The following PWWP3A variants were observed in gnomAD, a reference collection of about 807,000 sequenced individuals.
PWWP3A encodes PWWP domain-containing DNA repair factor 3A.
A neutral mutation model predicts 79.0 loss-of-function variants in PWWP3A; 53 were observed. The ratio of observed to expected loss-of-function variants is 0.67; its 90% CI spans 0.54 to 0.84. The LOEUF (loss-of-function observed/expected upper bound fraction) is 0.84. Among genes scored for constraint, PWWP3A ranks in the 40% least tolerant of loss-of-function variants. The probability of loss-of-function intolerance (pLI) is 0.00; values close to 1 mark genes in which losing one functional copy is unlikely to be tolerated. For missense variants in PWWP3A, 973 were observed against 948.0 expected, an observed-to-expected ratio of 1.03 and a Z score of -0.35; for synonymous variants, 443 against 394.4, an observed-to-expected ratio of 1.12 and a Z score of -1.46.
chr19:1,362,685 C>T (rs533268326), intron 6 of PWWP3A, among the ~76,000 whole-genome samples: 3 of 152,352 alleles, frequency 2.0e-5, no homozygotes, highest in African/African-American at 7.2e-5. Flanking sequence ...GGGGCTGCGT[C>T]GCCATTGCTC....
chr19:1,369,116 G>T lies in PWWP3A; in HGVS notation c.1423-149G>T. ...GGGTCCCTGTGCGAGGCGTCTGCCA[G>T]AGCCCCCTTTGTCAGGGAGGGTCAG... On this transcript the variant is annotated intron_variant, in intron 9 of 13. Coordinates refer to ENST00000591337, the MANE Select transcript of PWWP3A (RefSeq NM_001369789.1). This position sits in a 1 kb window ranked among gnomAD's most constrained non-coding sequence, Gnocchi z 4.0. 1.5e-6 allele frequency: 1 copy of T among 670,838 alleles called. No individual in the cohort carries two copies. Among genetic ancestry groups the T allele is most frequent in the Admixed American group, 2.4e-5 (1 of 41,678 alleles). The allele number at this position is 670,838 out of a possible 1,614,324, so 41.6% of individuals were successfully genotyped here. A position where few individuals can be genotyped will look rare whatever the true frequency, so the allele number is the denominator to read the frequency against.
At chr19:1,355,836 G>T (rs1430705170) in intron 1 of PWWP3A, among the ~76,000 whole-genome samples, 1 of 147,950 alleles carries the variant, frequency 6.8e-6, no homozygotes, top group African/African-American at 2.5e-5. Flanking sequence ...AGCCAAGCCA[G>T]TCCTTCCCAT....
At chr19:1,356,640 CTTTT>C (rs957637541) in intron 2 of PWWP3A, among the ~76,000 whole-genome samples, 191 bp downstream of exon 2, 1 of 132,600 alleles carries the variant, frequency 7.5e-6, no homozygotes, top group Non-Finnish European at 1.6e-5. Context: ...CCAGAAATGT[CTTTT>C]TTTTTTCACA....
In PWWP3A at chr19:1,369,584, C is replaced by G. The variant is rs565561630; in HGVS notation, c.1499-12C>G. 9 of 1,614,152 alleles carry G rather than the reference C, an allele frequency of 5.6e-6. No individual in the cohort carries two copies. In the South Asian group the frequency reaches 9.9e-5, roughly 18 times the overall value. ...GGTCTACACAGTGCTCTCTCCCCTC[C>G]ACCCCCTGCAGGCTGCGGGTCTTTT... On this transcript the variant is annotated splice_polypyrimidine_tract_variant and intron_variant, in intron 10 of 13. Transcript: ENST00000591337. The surrounding 1 kb of genome is among the most constrained non-coding windows in gnomAD (Gnocchi z 4.0).
Position 1,378,113 on chromosome 19 carries a change from C to G in PWWP3A, c.*1537C>G, listed in dbSNP as rs1021392437. On this transcript the variant is annotated 3_prime_UTR_variant, in exon 14 of 14. Coordinates refer to ENST00000591337, the MANE Select transcript of PWWP3A (RefSeq NM_001369789.1). ...GTCTTGTCTGGAGCAGTGGGGCACA[C>G]CCCGGAGGAGGCGGGGGTCAGGGCT... The G allele has an allele frequency of 6.6e-6, 1 of 152,284 alleles. No homozygotes were observed. The highest frequency in any genetic ancestry group is 1.5e-5 in the Non-Finnish European group (1 of 68,080). The allele number at this position is 152,284 out of a possible 1,614,324, so 9.4% of individuals were successfully genotyped here. A position where few individuals can be genotyped will look rare whatever the true frequency, so the allele number is the denominator to read the frequency against.
chr19:1,371,247 G>A (rs982749574), intron 12 of PWWP3A, 169 bp downstream of exon 12: 3 of 795,170 alleles, frequency 3.8e-6, no homozygotes, highest in Non-Finnish European at 6.4e-6. Flanking sequence ...TGGGAAATGC[G>A]AGTGCGTGCG....
chr19:1,369,410 G>T lies in PWWP3A; in HGVS notation c.1498+70G>T. ...CAGCCTCTGAAGACCCCTTGGACGG[G>T]CTGGGCCGGAGCTGCCTGGAGGCGG... On this transcript the variant is annotated intron_variant, in intron 10 of 13. Coordinates refer to ENST00000591337, the MANE Select transcript of PWWP3A (RefSeq NM_001369789.1). This position sits in a 1 kb window ranked among gnomAD's most constrained non-coding sequence, Gnocchi z 4.0. The T allele has an allele frequency of 6.4e-7, 1 of 1,572,032 alleles. No homozygotes were observed. The highest frequency in any genetic ancestry group is 8.7e-7 in the Non-Finnish European group (1 of 1,144,318).
rs758299128 is a variant in PWWP3A, at chr19:1,360,781, A to G, written c.860A>G (p.Glu287Gly). The change falls in exon 5 of 14, where the codon GAG becomes GGG. Residue 287 changes from glutamate to glycine, a missense_variant. By Grantham distance (98) the Glu-to-Gly change is moderately conservative. Transcript: ENST00000591337. The surrounding 1 kb of genome is among the most constrained non-coding windows in gnomAD (Gnocchi z 4.4). ...AGCCTCACTGCGCCCCCAGCCCCTG[A>G]GCCCTCGGCCTGCTCAGAGCCTGGA... Reference protein sequence around the residue: ...LGSLTAPPAPEPSACSEPGEC... With the variant: ...LGSLTAPPAPGPSACSEPGEC... 8.7e-6 allele frequency: 14 copies of G among 1,608,696 alleles called. No individual in the cohort carries two copies. In the African/African-American group the frequency reaches 1.5e-4, roughly 17 times the overall value.
chr19:1,373,265 C>G, intron 13 of PWWP3A, 105 bp downstream of exon 13: 1 of 990,360 alleles, frequency 1.0e-6, no homozygotes, highest in Admixed American at 2.0e-5. Context: ...AGCCCCTCTC[C>G]CTCATGAGGT....
In PWWP3A at chr19:1,369,401, C is replaced by G; in HGVS notation, c.1498+61C>G. On this transcript the variant is annotated intron_variant, in intron 10 of 13. Coordinates refer to ENST00000591337, the MANE Select transcript of PWWP3A (RefSeq NM_001369789.1). The surrounding 1 kb of genome is among the most constrained non-coding windows in gnomAD (Gnocchi z 4.0). ...GCAGGCGTCCAGCCTCTGAAGACCC[C>G]TTGGACGGGCTGGGCCGGAGCTGCC... 1 of 1,580,560 alleles carries G rather than the reference C, an allele frequency of 6.3e-7. No individual in the cohort carries two copies. Among genetic ancestry groups the G allele is most frequent in the Non-Finnish European group, 8.7e-7 (1 of 1,151,686 alleles).
At position 1,369,074 on chromosome 19, in the gene PWWP3A, G is replaced by A. The variant is rs777618016; in HGVS notation, c.1423-191G>A. On this transcript the variant is annotated intron_variant, in intron 9 of 13. Transcript: ENST00000591337. This position sits in a 1 kb window ranked among gnomAD's most constrained non-coding sequence, Gnocchi z 4.0. ...CAGGGCCCAGACCTGTGCCTGGTGCGTTTCCCATTTACCAGAGGGTCCCTG... is the reference window on the plus strand; with the variant it reads ...CAGGGCCCAGACCTGTGCCTGGTGCATTTCCCATTTACCAGAGGGTCCCTG... 5.0e-5 allele frequency: 29 copies of A among 582,204 alleles called. No individual in the cohort carries two copies. Among genetic ancestry groups the A allele is most frequent in the African/African-American group, 1.5e-4 (8 of 53,454 alleles). 36.1% of individuals were successfully genotyped at this position (582,204 alleles called of 1,614,324 possible). A position where few individuals can be genotyped will look rare whatever the true frequency, so the allele number is the denominator to read the frequency against.
intron 4 of PWWP3A, 163 bp downstream of exon 4, chr19:1,358,627 G>A: frequency 6.5e-7 from 1 of 1,545,792 alleles, no homozygotes. Context: ...AGGAAAAATG[G>A]ATCCGCTTTC....
intron 13 of PWWP3A, 24 bp downstream of exon 13, chr19:1,373,184 C>T (rs762547155): frequency 3.6e-5 from 57 of 1,603,312 alleles, no homozygotes; most frequent in Non-Finnish European, 4.8e-5. Flanking sequence ...GGCGCTATCT[C>T]CAGCCACTTG....
intron 11 of PWWP3A, among the ~76,000 whole-genome samples, chr19:1,370,201 A>C (rs1490041548): frequency 6.6e-6 from 1 of 152,124 alleles, no homozygotes; most frequent in Non-Finnish European, 1.5e-5. Flanking sequence ...GCACCGCTGC[A>C]CTCCAGCCTG....
At chr19:1,357,363 G>C (rs987338528) in intron 3 of PWWP3A, 5 of 282,822 alleles carry the variant, frequency 1.8e-5, no homozygotes, top group Non-Finnish European at 3.3e-5. Context: ...TTATACTCAG[G>C]GTAGACCCTA....
At chr19:1,367,333 T>C in intron 9 of PWWP3A, 113 bp downstream of exon 9, 4 of 901,198 alleles carry the variant, frequency 4.4e-6, no homozygotes, top group Non-Finnish European at 7.0e-6. Context: ...GTGTGAATGA[T>C]TGTGGGAAGT....
In PWWP3A at chr19:1,360,639, G is replaced by A. The variant is rs200533082; in HGVS notation, c.718G>A (p.Glu240Lys). The A allele has an allele frequency of 1.1e-5, 18 of 1,613,676 alleles. No homozygotes were observed. Among genetic ancestry groups the A allele is most frequent in the Non-Finnish European group, 1.5e-5 (18 of 1,179,674 alleles). Reference sequence around the variant, plus strand: ...ATCTTCCCTTTCAGAGGACGACACGGAGAGAGACATGGGGAGCAAAGGAGG... The same window carrying A: ...ATCTTCCCTTTCAGAGGACGACACGAAGAGAGACATGGGGAGCAAAGGAGG... ...NGSSLSEDDT[E>K]RDMGSKGGSW... is the part of the protein sequence containing the mutation. The change falls in exon 5 of 14, where the codon GAG becomes AAG. Residue 240 changes from glutamate to lysine, a missense_variant. By Grantham distance (56) the Glu-to-Lys change is moderately conservative. Coordinates refer to ENST00000591337, the MANE Select transcript of PWWP3A (RefSeq NM_001369789.1). This position sits in a 1 kb window ranked among gnomAD's most constrained non-coding sequence, Gnocchi z 4.4.
At chr19:1,365,370 T>G (rs1883193288) in intron 7 of PWWP3A, among the ~76,000 whole-genome samples, 2 of 152,344 alleles carry the variant, frequency 1.3e-5, no homozygotes, top group East Asian at 3.9e-4. Flanking sequence ...GGCCTTCGCC[T>G]CTCCTTCATA....
intron 7 of PWWP3A, among the ~76,000 whole-genome samples, chr19:1,365,621 A>T (rs2526134): frequency 0.73 from 111,136 of 152,178 alleles, 40,793 homozygotes; most frequent in Middle Eastern, 0.83. Flanking sequence ...TGGCCGGCGG[A>T]GATGGAGGCC....
Sources: allele counts gnomAD v4.1 joint callset (sites outside exome capture counted in the v4.1 genomes callset), GRCh38; gene constraint gnomAD v4.1.1; non-coding constraint Gnocchi (gnomAD v3.1); transcripts MANE v1.5; gene names NCBI Gene and HGNC (gene_info 2026-07-23, HGNC 2026-07-21).